The following TSPAN5 variants were observed in gnomAD, a reference collection of about 807,000 sequenced individuals.
TSPAN5 encodes tetraspanin 5.
A neutral mutation model predicts 37.1 loss-of-function variants in TSPAN5; 10 were observed. That is an observed-to-expected ratio of 0.27 (90% confidence interval 0.17 to 0.46). The LOEUF (loss-of-function observed/expected upper bound fraction) is 0.46. Among genes scored for constraint, TSPAN5 ranks in the 20% least tolerant of loss-of-function variants. The pLI is 1.00. For missense variants in TSPAN5, 195 were observed against 326.6 expected (o/e 0.60, Z 3.11); for synonymous variants, 110 against 118.9 (o/e 0.93, Z 0.48).
intron 2 of TSPAN5, among the ~76,000 whole-genome samples, chr4:98,497,757 T>A (rs1416463684): frequency 6.6e-6 from 1 of 151,934 alleles, no homozygotes; most frequent in Non-Finnish European, 1.5e-5. Flanking sequence ...AGGAGCTGAG[T>A]CTAGAGGGGA....
intron 1 of TSPAN5, among the ~76,000 whole-genome samples, chr4:98,606,821 C>T (rs1031347330): frequency 6.6e-6 from 1 of 152,204 alleles, no homozygotes; most frequent in Non-Finnish European, 1.5e-5. Flanking sequence ...AAAGGCTTTA[C>T]GGTGATTCTC....
At chr4:98,537,870 G>A (rs1301573331) in intron 1 of TSPAN5, among the ~76,000 whole-genome samples, 3 of 152,226 alleles carry the variant, frequency 2.0e-5, no homozygotes, top group Admixed American at 2.0e-4. Context: ...TTTTCTCTGT[G>A]GCATTGTCAT....
chr4:98,609,984 A>G (rs1297521920), intron 1 of TSPAN5, among the ~76,000 whole-genome samples: 2 of 152,290 alleles, frequency 1.3e-5, no homozygotes, highest in Admixed American at 6.5e-5. Context: ...ACAGGCTAAT[A>G]TAATTCGCAG....
At chr4:98,535,871 TTC>T (rs1382432776) in intron 1 of TSPAN5, among the ~76,000 whole-genome samples, 1 of 152,254 alleles carries the variant, frequency 6.6e-6, no homozygotes, top group Non-Finnish European at 1.5e-5. Flanking sequence ...GTGCTGTTTT[TTC>T]AGTGCCATCA....
chr4:98,657,982 A>C (rs573692370), intron 1 of TSPAN5, among the ~76,000 whole-genome samples, 164 bp downstream of exon 1: 4 of 152,260 alleles, frequency 2.6e-5, no homozygotes, highest in African/African-American at 7.2e-5. Flanking sequence ...TTAAATGTTT[A>C]TCTCTCCAAC....
At chr4:98,633,818 G>A (rs890682047) in intron 1 of TSPAN5, among the ~76,000 whole-genome samples, 2 of 152,158 alleles carry the variant, frequency 1.3e-5, no homozygotes, top group African/African-American at 4.8e-5. Context: ...GATGGCTGAC[G>A]CCTGTAATAC....
intron 3 of TSPAN5, chr4:98,484,794 T>C (rs945668352): frequency 3.3e-6 from 1 of 300,044 alleles, no homozygotes; most frequent in African/African-American, 2.3e-5. Flanking sequence ...AAACCCCATC[T>C]TTACTTAAAA....
chr4:98,557,667 G>A (rs1249287651), intron 1 of TSPAN5, among the ~76,000 whole-genome samples: 1 of 152,178 alleles, frequency 6.6e-6, no homozygotes, highest in Non-Finnish European at 1.5e-5. Flanking sequence ...CCTTCCAAAG[G>A]AGGTGGGCCG....
intron 1 of TSPAN5, among the ~76,000 whole-genome samples, chr4:98,561,287 C>T (rs1432611337): frequency 1.3e-5 from 2 of 152,372 alleles, no homozygotes; most frequent in Non-Finnish European, 2.9e-5. Context: ...TCCAGGCTCA[C>T]GCCTATAATC....
intron 1 of TSPAN5, among the ~76,000 whole-genome samples, chr4:98,519,362 G>A (rs1204383979): frequency 6.6e-6 from 1 of 152,112 alleles, no homozygotes; most frequent in East Asian, 1.9e-4. Context: ...AGCCGGGCAT[G>A]GTGGTATGTG....
At chr4:98,536,339 G>A (rs545170187) in intron 1 of TSPAN5, among the ~76,000 whole-genome samples, 1 of 152,204 alleles carries the variant, frequency 6.6e-6, no homozygotes, top group African/African-American at 2.4e-5. Context: ...TATCACCAGC[G>A]GAAGCAAAGA....
chr4:98,582,536 T>C (rs1012573214), intron 1 of TSPAN5, among the ~76,000 whole-genome samples: 1 of 152,252 alleles, frequency 6.6e-6, no homozygotes, highest in East Asian at 1.9e-4. Context: ...ACACGTTGAC[T>C]TGCCACAGAT....
At chr4:98,581,019 AC>A (rs1374786354) in intron 1 of TSPAN5, among the ~76,000 whole-genome samples, 1 of 152,148 alleles carries the variant, frequency 6.6e-6, no homozygotes, top group African/African-American at 2.4e-5. Context: ...GCACAGGCTG[AC>A]CATTAGAAAC....
At chr4:98,556,064 CAG>C (rs1553913730) in intron 1 of TSPAN5, among the ~76,000 whole-genome samples, 1 of 136,976 alleles carries the variant, frequency 7.3e-6, no homozygotes, top group Non-Finnish European at 1.5e-5. Flanking sequence ...CACACACACA[CAG>C]GTAGGAATGG....
At chr4:98,511,947 G>A (rs1192380661) in intron 1 of TSPAN5, among the ~76,000 whole-genome samples, 1 of 152,154 alleles carries the variant, frequency 6.6e-6, no homozygotes, top group Non-Finnish European at 1.5e-5. Flanking sequence ...AGGTGCAGGG[G>A]TTCACACCTG....
chr4:98,519,343 A>T (rs1057037247), intron 1 of TSPAN5, among the ~76,000 whole-genome samples: 2 of 152,038 alleles, frequency 1.3e-5, no homozygotes, highest in Non-Finnish European at 2.9e-5. Context: ...AAATAAAATT[A>T]AAAAGATTAG....
intron 7 of TSPAN5, among the ~76,000 whole-genome samples, chr4:98,473,983 T>C (rs1752641703): frequency 1.3e-5 from 2 of 152,214 alleles, no homozygotes; most frequent in South Asian, 4.1e-4. Flanking sequence ...TTTATTTTTC[T>C]AGATACTAGG....
At chr4:98,611,979 G>A (rs1243426700) in intron 1 of TSPAN5, among the ~76,000 whole-genome samples, 1 of 152,224 alleles carries the variant, frequency 6.6e-6, no homozygotes, top group Non-Finnish European at 1.5e-5. Flanking sequence ...ACAACTGCAT[G>A]CAGGGCCTGG....
At chr4:98,547,682 T>C (rs1024528110) in intron 1 of TSPAN5, among the ~76,000 whole-genome samples, 2 of 152,056 alleles carry the variant, frequency 1.3e-5, no homozygotes, top group Admixed American at 1.3e-4. Context: ...TTTGAGCATC[T>C]AATGAAAGCT....
Sources: allele counts gnomAD v4.1 joint callset (sites outside exome capture counted in the v4.1 genomes callset), GRCh38; gene constraint gnomAD v4.1.1; transcripts MANE v1.5; gene names NCBI Gene and HGNC (gene_info 2026-07-23, HGNC 2026-07-21).